The following WWC2 variants were observed in gnomAD, a reference collection of about 807,000 sequenced individuals.
The protein encoded by WWC2 is protein WWC2.
WWC2 carries 101 observed loss-of-function variants against 138.5 expected under a neutral mutation model. The observed-to-expected ratio is 0.73, with a 90% CI of 0.62 to 0.86. WWC2 has a LOEUF of 0.86. Ranked by LOEUF, WWC2 falls within the 40% of genes least tolerant of loss-of-function variation. The probability of loss-of-function intolerance (pLI) is 0.00; values close to 1 mark genes in which losing one functional copy is unlikely to be tolerated. For missense variants in WWC2, 1,420 were observed against 1,419.4 expected, an observed-to-expected ratio of 1.00 and a Z score of -0.01; for synonymous variants, 558 against 538.4, an observed-to-expected ratio of 1.04 and a Z score of -0.50.
At chr4:183,264,224 G>A (rs139051216) in intron 11 of WWC2, among the ~76,000 whole-genome samples, 3 of 152,274 alleles carry the variant, frequency 2.0e-5, no homozygotes, top group Non-Finnish European at 4.4e-5. Flanking sequence ...TAAAGTCACG[G>A]CTCAGAAGGG....
intron 1 of WWC2, among the ~76,000 whole-genome samples, chr4:183,138,586 TGA>T (rs1733194090): frequency 6.6e-6 from 1 of 152,204 alleles, no homozygotes; most frequent in African/African-American, 2.4e-5. Flanking sequence ...TCTGCAAAGC[TGA>T]ACATATTTAT....
At chr4:183,303,524 A>G (rs1227136095) in intron 21 of WWC2, among the ~76,000 whole-genome samples, 1 of 152,212 alleles carries the variant, frequency 6.6e-6, no homozygotes, top group African/African-American at 2.4e-5. Context: ...TTACCCCATG[A>G]CGACAGTCCT....
chr4:183,125,103 A>G (rs1426706425), intron 1 of WWC2, among the ~76,000 whole-genome samples: 1 of 152,168 alleles, frequency 6.6e-6, no homozygotes, highest in Non-Finnish European at 1.5e-5. Flanking sequence ...GGCTGGAGTT[A>G]CAGGCTTTCC....
chr4:183,128,369 C>G (rs752077695), intron 1 of WWC2, among the ~76,000 whole-genome samples: 1 of 151,888 alleles, frequency 6.6e-6, no homozygotes, highest in Non-Finnish European at 1.5e-5. Context: ...CAAAAATTAG[C>G]CAGGTGTGGT....
chr4:183,247,035 TAGATG>T (rs1736801454), intron 6 of WWC2, among the ~76,000 whole-genome samples: 1 of 152,186 alleles, frequency 6.6e-6, no homozygotes, highest in South Asian at 2.1e-4. Flanking sequence ...CATTAATTAG[TAGATG>T]CAGAGATTGA....
chr4:183,134,621 T>C (rs17074421), intron 1 of WWC2, among the ~76,000 whole-genome samples: 11,000 of 152,194 alleles, frequency 0.072, 725 homozygotes, highest in African/African-American at 0.17. Flanking sequence ...TGCCTCTTGT[T>C]TGTTTCATCT....
Position 183,269,121 on chromosome 4 carries a change from A to G in WWC2, c.2358A>G (p.Val786=), listed in dbSNP as rs143001427. 443 of 1,613,816 alleles carry G rather than the reference A, an allele frequency of 2.7e-4. 1 individual carries two copies. The African/African-American group carries it at 3.5e-3, about 13-fold the overall frequency. ...QTALQQKTLR[V]DLCSVSKHRR... ...CCTTACAACAGAAGACACTGAGGGT[A>G]GACCTTTGCTCTGTCAGTAAACACC... The change falls in exon 15 of 23, where the codon GTA becomes GTG. Residue 786 remains valine, a synonymous_variant. Transcript: ENST00000403733.
chr4:183,119,061 C>A (rs948531743), intron 1 of WWC2, among the ~76,000 whole-genome samples: 12 of 152,054 alleles, frequency 7.9e-5, no homozygotes, highest in African/African-American at 2.7e-4. Context: ...CTAGTGATTG[C>A]TTAGACTTGC....
chr4:183,262,804 GTGTT>G (rs1169903572), intron 11 of WWC2, among the ~76,000 whole-genome samples: 1 of 152,180 alleles, frequency 6.6e-6, no homozygotes. Context: ...GTGTGTGTGT[GTGTT>G]AGGGGGTGCA....
intron 1 of WWC2, among the ~76,000 whole-genome samples, chr4:183,150,938 T>C (rs1733620845): frequency 6.6e-6 from 1 of 152,230 alleles, no homozygotes; most frequent in Non-Finnish European, 1.5e-5. Context: ...CAGTCTATCA[T>C]TGATGGACAT....
chr4:183,168,748 C>T (rs1734193419), intron 1 of WWC2, among the ~76,000 whole-genome samples: 1 of 152,120 alleles, frequency 6.6e-6, no homozygotes, highest in Non-Finnish European at 1.5e-5. Context: ...CAACAGATAC[C>T]ATTCTCATTC....
chr4:183,314,477 G>T (rs995805965), intron 22 of WWC2, among the ~76,000 whole-genome samples: 1 of 152,214 alleles, frequency 6.6e-6, no homozygotes, highest in African/African-American at 2.4e-5. Flanking sequence ...TGCTGGAAGC[G>T]TGGGATTTGC....
In WWC2 at chr4:183,320,513, T is replaced by C. The variant is rs1739609006; in HGVS notation, c.*4784T>C. The C allele has an allele frequency of 2.6e-6, 1 of 387,896 alleles. No individual in the cohort carries two copies. The highest frequency in any genetic ancestry group is 2.0e-5 in the African/African-American group (1 of 49,186). 24.0% of individuals were successfully genotyped at this position (387,896 alleles called of 1,614,324 possible). A position where few individuals can be genotyped will look rare whatever the true frequency, so the allele number is the denominator to read the frequency against. ...TCACTGAAATATAATTAAGTGATAA[T>C]CTCCTTTCATTGTCAAGGTTAAAAT... On this transcript the variant is annotated 3_prime_UTR_variant, in exon 23 of 23. Coordinates refer to ENST00000403733, the MANE Select transcript of WWC2 (RefSeq NM_024949.6).
intron 1 of WWC2, among the ~76,000 whole-genome samples, chr4:183,128,293 C>T (rs1450555157): frequency 6.6e-6 from 1 of 151,990 alleles, no homozygotes; most frequent in African/African-American, 2.4e-5. Flanking sequence ...GAGCCAAGAC[C>T]GTGCCATTGC....
chr4:183,179,801 G>A (rs1035141756), intron 1 of WWC2, among the ~76,000 whole-genome samples: 3 of 152,212 alleles, frequency 2.0e-5, no homozygotes, highest in Admixed American at 1.3e-4. Flanking sequence ...CTAAGGAAAC[G>A]TCTCTCTGGA....
At chr4:183,259,838 A>G (rs1737269461) in intron 10 of WWC2, 110 bp downstream of exon 10, 11 of 792,114 alleles carry the variant, frequency 1.4e-5, no homozygotes, top group Non-Finnish European at 1.9e-5. Flanking sequence ...AAATCATTAT[A>G]GTAGCACAGT....
chr4:183,120,262 C>G (rs960324496), intron 1 of WWC2, among the ~76,000 whole-genome samples: 2 of 152,116 alleles, frequency 1.3e-5, no homozygotes, highest in African/African-American at 4.8e-5. Flanking sequence ...TTGAAAAACA[C>G]CTTTATTCAT....
intron 1 of WWC2, among the ~76,000 whole-genome samples, chr4:183,124,715 G>A (rs535785667): frequency 1.3e-5 from 2 of 151,004 alleles, no homozygotes; most frequent in East Asian, 2.0e-4. Flanking sequence ...TCAGCCTCCC[G>A]AGTAGCTGAG....
At chr4:183,141,750 C>T (rs1194389019) in intron 1 of WWC2, among the ~76,000 whole-genome samples, 1 of 152,160 alleles carries the variant, frequency 6.6e-6, no homozygotes, top group African/African-American at 2.4e-5. Flanking sequence ...TGTAGATATA[C>T]AGTTCTGATA....
Sources: gnomAD v4.1 joint callset for allele counts (sites outside exome capture counted in the v4.1 genomes callset) on GRCh38, gnomAD v4.1.1 for gene constraint, MANE v1.5 for transcripts, NCBI Gene and HGNC (gene_info 2026-07-23, HGNC 2026-07-21) for gene names.